The following WDFY2 variants were observed in gnomAD, a reference collection of about 807,000 sequenced individuals.
The protein encoded by WDFY2 is WD repeat and FYVE domain-containing protein 2.
A neutral mutation model predicts 56.4 loss-of-function variants in WDFY2; 36 were observed. That is an observed-to-expected ratio of 0.64 (90% CI 0.49 to 0.84). WDFY2 has a LOEUF of 0.84. Among genes scored for constraint, WDFY2 ranks in the 40% least tolerant of loss-of-function variants. The pLI is 0.00. For synonymous variants in WDFY2, 176 were observed against 183.7 expected (o/e 0.96, Z 0.34); for missense variants, 444 against 512.2 (o/e 0.87, Z 1.29).
chr13:51,716,418 C>T (rs191362049), intron 4 of WDFY2, among the ~76,000 whole-genome samples: 2 of 152,200 alleles, frequency 1.3e-5, no homozygotes, highest in East Asian at 1.9e-4. Context: ...GTGGGCCGGG[C>T]GCGGTGGCTC....
intron 4 of WDFY2, among the ~76,000 whole-genome samples, chr13:51,707,260 A>G (rs932953888): frequency 1.3e-5 from 2 of 152,178 alleles, no homozygotes; most frequent in East Asian, 3.9e-4. Flanking sequence ...CCTGGGCTCA[A>G]GCAGTCCTCC....
chr13:51,716,017 G>GATAT (rs138274016), intron 4 of WDFY2, among the ~76,000 whole-genome samples: 1 of 151,682 alleles, frequency 6.6e-6, no homozygotes, highest in African/African-American at 2.4e-5. Context: ...AACAAAATGT[G>GATAT]ATATATATAT....
chr13:51,681,750 G>A (rs1955980745), intron 3 of WDFY2, among the ~76,000 whole-genome samples: 1 of 152,114 alleles, frequency 6.6e-6, no homozygotes, highest in Non-Finnish European at 1.5e-5. Context: ...CAGGAAAATA[G>A]TCTTAGAGTG....
Position 51,584,588 on chromosome 13 carries a change from C to T in WDFY2, c.-100C>T. The T allele has an allele frequency of 2.1e-6, 3 of 1,429,252 alleles. No homozygotes were observed. The highest frequency in any genetic ancestry group is 2.8e-6 in the Non-Finnish European group (3 of 1,085,848). 88.5% of individuals were successfully genotyped at this position (1,429,252 alleles called of 1,614,324 possible). ...TTTCCGGCGTTCCGCTCCGGCCAGCCAGAGTCTCTGTCTCAACCTGTGTCC... is the reference window on the plus strand; with the variant it reads ...TTTCCGGCGTTCCGCTCCGGCCAGCTAGAGTCTCTGTCTCAACCTGTGTCC... On this transcript the variant is annotated 5_prime_UTR_variant, in exon 1 of 12. It introduces an in-frame stop codon into an upstream open reading frame of the 5' UTR. Coordinates refer to ENST00000298125, the MANE Select transcript of WDFY2 (RefSeq NM_052950.4).
intron 3 of WDFY2, among the ~76,000 whole-genome samples, chr13:51,675,465 A>C (rs1466136212): frequency 6.6e-6 from 1 of 152,196 alleles, no homozygotes; most frequent in Admixed American, 6.5e-5. Context: ...CCTACCCTAT[A>C]CAGAGTGGCT....
At chr13:51,684,368 G>A (rs1308145014) in intron 3 of WDFY2, among the ~76,000 whole-genome samples, 5 of 135,452 alleles carry the variant, frequency 3.7e-5, no homozygotes, top group Non-Finnish European at 8.1e-5. Context: ...AGTATTTGGT[G>A]TTTTTTTTTT....
intron 5 of WDFY2, among the ~76,000 whole-genome samples, chr13:51,726,600 T>G (rs1952610186): frequency 2.0e-5 from 3 of 152,230 alleles, no homozygotes; most frequent in Admixed American, 1.3e-4. Context: ...AGGTATTCAG[T>G]GTAAGCCACA....
chr13:51,762,047 GT>G lies in WDFY2; in HGVS notation c.*2281del, dbSNP rs1409460490. On this transcript the variant is annotated 3_prime_UTR_variant, in exon 12 of 12. Coordinates refer to ENST00000298125, the MANE Select transcript of WDFY2 (RefSeq NM_052950.4). ...AAAATATTCAAATATCTATTTTGTA[GT>G]TTATTACTAGAAGCTGCAGCCACTT... 6.6e-6 allele frequency: 1 copy of G among 152,208 alleles called. No individual in the cohort carries two copies. Among genetic ancestry groups the G allele is most frequent in the Non-Finnish European group, 1.5e-5 (1 of 68,038 alleles). 9.4% of individuals were successfully genotyped at this position (152,208 alleles called of 1,614,324 possible). A position where few individuals can be genotyped will look rare whatever the true frequency, so the allele number is the denominator to read the frequency against.
chr13:51,716,126 G>A (rs1015313871), intron 4 of WDFY2, among the ~76,000 whole-genome samples: 1 of 152,114 alleles, frequency 6.6e-6, no homozygotes, highest in Non-Finnish European at 1.5e-5. Flanking sequence ...CACACAAAAG[G>A]CCATGTATTG....
At chr13:51,690,775 A>G (rs984807573) in intron 3 of WDFY2, among the ~76,000 whole-genome samples, 5 of 152,178 alleles carry the variant, frequency 3.3e-5, no homozygotes, top group African/African-American at 1.2e-4. Context: ...CGCCACACTG[A>G]CTTCCACAAC....
chr13:51,767,585 G>GT lies in WDFY2; in HGVS notation c.*7817dup, dbSNP rs1482577754. ...CAACTTTTCCTGGAGTCACTAAGAG[G>GT]TAAAATGGTGTAAATTAGAGGTTTT... On this transcript the variant is annotated 3_prime_UTR_variant, in exon 12 of 12. Transcript: ENST00000298125. The GT allele has an allele frequency of 6.7e-6, 1 of 150,144 alleles. No homozygotes were observed. The highest frequency in any genetic ancestry group is 1.5e-5 in the Non-Finnish European group (1 of 68,570). 9.3% of individuals were successfully genotyped at this position (150,144 alleles called of 1,614,324 possible).
Position 51,755,364 on chromosome 13 carries a change from G to A in WDFY2, c.838G>A (p.Glu280Lys). Residue 280 changes from glutamate to lysine, a missense_variant, in exon 9 of 12, where the codon GAA becomes AAA. By Grantham distance (56) the Glu-to-Lys change is moderately conservative. Transcript: ENST00000298125. ...CTGTGCTTTATTTGACAAGACCCCT[G>A]AATGGTTGGACAGTGATTCCTGCCA... The part of the protein sequence containing the change: ...NMDVERQETP[E>K]WLDSDSCQKC... 6.2e-7 allele frequency: 1 copy of A among 1,614,174 alleles called. No homozygotes were observed. Among genetic ancestry groups the A allele is most frequent in the Non-Finnish European group, 8.5e-7 (1 of 1,180,026 alleles).
chr13:51,757,758 A>G (rs1953442851), intron 10 of WDFY2, among the ~76,000 whole-genome samples: 1 of 152,114 alleles, frequency 6.6e-6, no homozygotes, highest in Admixed American at 6.5e-5. Flanking sequence ...AAAAGGAAAA[A>G]TGAATGGAGG....
At chr13:51,590,807 AGTCTTCTCT>A (rs1252669088) in intron 1 of WDFY2, 1 of 152,018 alleles carries the variant, frequency 6.6e-6, no homozygotes, top group Non-Finnish European at 1.5e-5. Context: ...TTCAGCAAGC[AGTCTTCTCT>A]TTAAAAAAAT....
At chr13:51,736,181 T>TC (rs1952830518) in intron 6 of WDFY2, among the ~76,000 whole-genome samples, 1 of 152,204 alleles carries the variant, frequency 6.6e-6, no homozygotes, top group Non-Finnish European at 1.5e-5. Context: ...GAGTGGTGCT[T>TC]CCCATGTGCT....
At chr13:51,651,707 T>G (rs895230655) in intron 1 of WDFY2, among the ~76,000 whole-genome samples, 2 of 152,220 alleles carry the variant, frequency 1.3e-5, no homozygotes, top group Admixed American at 1.3e-4. Flanking sequence ...TTGTTCAGTT[T>G]CCATGTAGTT....
intron 6 of WDFY2, among the ~76,000 whole-genome samples, chr13:51,734,965 G>C (rs140194651): frequency 3.8e-4 from 58 of 152,358 alleles, no homozygotes; most frequent in African/African-American, 1.3e-3. Flanking sequence ...GTTGGGGTAT[G>C]AGATATGTGT....
rs1212009097 is a variant in WDFY2, at chr13:51,693,027, G to C, written c.280-10569G>C. Among the ~76,000 whole-genome samples the C allele has an allele frequency of 2.0e-5, 3 of 152,062 alleles. No individual in the cohort carries two copies. The South Asian group carries it at 6.2e-4, about 32-fold the overall frequency. On this transcript the variant is annotated intron_variant, in intron 3 of 11. Transcript: ENST00000298125. ...CTGATGGTAGTTTGTATTTCTGTGG[G>C]ATTGGTGGTGATATCCCCTTTATCA...
chr13:51,758,433 C>A, intron 11 of WDFY2, 133 bp downstream of exon 11: 1 of 509,490 alleles, frequency 2.0e-6, no homozygotes, highest in Non-Finnish European at 3.5e-6. Context: ...TGTCTGTAGT[C>A]CCAGCTACTC....
Sources: allele counts gnomAD v4.1 joint callset (sites outside exome capture counted in the v4.1 genomes callset), GRCh38; gene constraint gnomAD v4.1.1; transcripts MANE v1.5; gene names NCBI Gene and HGNC (gene_info 2026-07-23, HGNC 2026-07-21).